The following PDE4B variants were observed in gnomAD, a reference collection of about 807,000 sequenced individuals.
The protein encoded by PDE4B is 3',5'-cyclic-AMP phosphodiesterase 4B.
A neutral mutation model predicts 82.2 loss-of-function variants in PDE4B; 20 were observed. That is an observed-to-expected ratio of 0.24 (90% CI 0.17 to 0.35). The LOEUF is 0.35. Ranked by LOEUF, PDE4B falls within the 10% of genes least tolerant of loss-of-function variation. The probability of loss-of-function intolerance (pLI) is 1.00; values close to 1 mark genes in which losing one functional copy is unlikely to be tolerated. For synonymous variants in PDE4B, 320 were observed against 318.9 expected (o/e 1.00, Z -0.04); for missense variants, 655 against 907.2 (o/e 0.72, Z 3.57).
chr1:66,276,918 A>G (rs1018844068), intron 7 of PDE4B, among the ~76,000 whole-genome samples: 1 of 152,190 alleles, frequency 6.6e-6, no homozygotes, highest in Non-Finnish European at 1.5e-5. Context: ...TAAATGCGTT[A>G]TTTTACGTAA....
Position 65,847,423 on chromosome 1 carries a change from T to C in PDE4B, c.-71+54175T>C, listed in dbSNP as rs184952517. Among the ~76,000 whole-genome samples, 95 of 152,328 alleles carry C rather than the reference T, an allele frequency of 6.2e-4. 3 individuals are homozygous for C. The highest frequency in any genetic ancestry group is 2.1e-3 in the African/African-American group (87 of 41,576). On this transcript the variant is annotated intron_variant, in intron 1 of 16. Transcript: ENST00000341517. The stretch of plus-strand genomic sequence containing the variant: ...GGCTGGGGCTGTACAGAAGTCAGGA[T>C]TGACATTGTGTTATATTCAAACATA...
At chr1:66,163,721 G>C (rs923639038) in intron 3 of PDE4B, among the ~76,000 whole-genome samples, 1 of 152,178 alleles carries the variant, frequency 6.6e-6, no homozygotes, top group Non-Finnish European at 1.5e-5. Context: ...TTTAAAGTTA[G>C]TGAGGTTAAA....
At chr1:66,093,054 G>A (rs543442322) in intron 3 of PDE4B, among the ~76,000 whole-genome samples, 2 of 152,186 alleles carry the variant, frequency 1.3e-5, no homozygotes, top group African/African-American at 4.8e-5. Context: ...GAGGGTGAAA[G>A]TTTAATTCTG....
intron 3 of PDE4B, among the ~76,000 whole-genome samples, chr1:65,933,087 T>C (rs1647926663): frequency 6.6e-6 from 1 of 152,062 alleles, no homozygotes; most frequent in Non-Finnish European, 1.5e-5. Flanking sequence ...AAATGCACAT[T>C]CTACTCTAGG....
intron 1 of PDE4B, among the ~76,000 whole-genome samples, chr1:65,794,131 G>A (rs1004271726): frequency 1.3e-5 from 2 of 152,166 alleles, no homozygotes; most frequent in Non-Finnish European, 2.9e-5. Context: ...AAATTACATT[G>A]TACTTACATT....
intron 1 of PDE4B, among the ~76,000 whole-genome samples, chr1:65,854,954 T>A (rs1018491549): frequency 6.6e-6 from 1 of 151,824 alleles, no homozygotes; most frequent in Non-Finnish European, 1.5e-5. Flanking sequence ...TTACTATTTT[T>A]AAATTTTCAT....
chr1:66,005,750 T>C (rs1652113736), intron 3 of PDE4B, among the ~76,000 whole-genome samples: 1 of 152,212 alleles, frequency 6.6e-6, no homozygotes, highest in Non-Finnish European at 1.5e-5. Context: ...ATTAAGCAAC[T>C]GCTTCATCTG....
chr1:65,913,297 A>T lies in PDE4B; in HGVS notation c.-18A>T. 1.2e-6 allele frequency: 2 copies of T among 1,609,948 alleles called. No homozygotes were observed. Among genetic ancestry groups the T allele is most frequent in the Non-Finnish European group, 1.7e-6 (2 of 1,176,336 alleles). ...TGAATAACAGACATCCTAAGAGGGGATATTTTCCACCTCTATAATGAAGAA... is the reference window on the plus strand; with the variant it reads ...TGAATAACAGACATCCTAAGAGGGGTTATTTTCCACCTCTATAATGAAGAA... On this transcript the variant is annotated 5_prime_UTR_variant, in exon 2 of 17. Coordinates refer to ENST00000341517, the MANE Select transcript of PDE4B (RefSeq NM_002600.4).
At chr1:66,339,795 CT>C (rs1170877756) in intron 8 of PDE4B, among the ~76,000 whole-genome samples, 2 of 150,090 alleles carry the variant, frequency 1.3e-5, no homozygotes, top group Non-Finnish European at 3.0e-5. Flanking sequence ...TTTTTTAATA[CT>C]TTTTTCTCAT....
intron 1 of PDE4B, among the ~76,000 whole-genome samples, chr1:65,822,096 T>C (rs1645959444): frequency 6.6e-6 from 1 of 152,210 alleles, no homozygotes; most frequent in Non-Finnish European, 1.5e-5. Flanking sequence ...TGTGTCTTCC[T>C]GAGCAGTAGC....
intron 3 of PDE4B, among the ~76,000 whole-genome samples, chr1:65,930,208 G>T (rs1262793803): frequency 1.3e-5 from 2 of 152,276 alleles, no homozygotes; most frequent in South Asian, 4.1e-4. Context: ...CCTTATATTT[G>T]CTGGCAGTTC....
intron 1 of PDE4B, among the ~76,000 whole-genome samples, chr1:65,865,044 A>G (rs908720011): frequency 6.6e-6 from 1 of 152,178 alleles, no homozygotes; most frequent in Admixed American, 6.5e-5. Flanking sequence ...AAGCCCCTGT[A>G]TGGGGCTGCT....
intron 3 of PDE4B, among the ~76,000 whole-genome samples, chr1:66,217,751 T>C (rs1052290593): frequency 2.0e-5 from 3 of 152,174 alleles, no homozygotes; most frequent in African/African-American, 7.2e-5. Flanking sequence ...CAATTATTAT[T>C]TATTATCTAC....
intron 3 of PDE4B, among the ~76,000 whole-genome samples, chr1:66,024,017 G>T (rs1653295244): frequency 6.6e-6 from 1 of 152,004 alleles, no homozygotes; most frequent in Non-Finnish European, 1.5e-5. Flanking sequence ...AATGTGAATT[G>T]TTTCAGGCGG....
chr1:65,957,662 A>T (rs962059620), intron 3 of PDE4B, among the ~76,000 whole-genome samples: 31 of 152,048 alleles, frequency 2.0e-4, no homozygotes, highest in Non-Finnish European at 1.2e-4. Flanking sequence ...GTGTCTTCCT[A>T]TCTATTAACA....
At chr1:66,126,998 A>G (rs1461971862) in intron 3 of PDE4B, among the ~76,000 whole-genome samples, 2 of 152,146 alleles carry the variant, frequency 1.3e-5, no homozygotes, top group African/African-American at 4.8e-5. Flanking sequence ...AGACAAAGAA[A>G]GAGGGGGGAA....
At chr1:66,071,926 G>A (rs113438595) in intron 3 of PDE4B, among the ~76,000 whole-genome samples, 97 of 152,166 alleles carry the variant, frequency 6.4e-4, no homozygotes, top group African/African-American at 1.0e-3. Context: ...ATTTTAAAGC[G>A]GAAAAATTTG....
At chr1:65,803,152 A>G (rs952802013) in intron 1 of PDE4B, among the ~76,000 whole-genome samples, 2 of 152,134 alleles carry the variant, frequency 1.3e-5, no homozygotes, top group African/African-American at 2.4e-5. Context: ...TATCCTTCAT[A>G]ATTGAAGGTT....
At chr1:66,106,378 A>C (rs1457259180) in intron 3 of PDE4B, among the ~76,000 whole-genome samples, 1 of 152,028 alleles carries the variant, frequency 6.6e-6, no homozygotes, top group Non-Finnish European at 1.5e-5. Context: ...ATGTTCATCA[A>C]GGATATTGGT....
Sources: allele counts gnomAD v4.1 joint callset (sites outside exome capture counted in the v4.1 genomes callset), GRCh38; gene constraint gnomAD v4.1.1; transcripts MANE v1.5; gene names NCBI Gene and HGNC (gene_info 2026-07-23, HGNC 2026-07-21).